The following GALNT13 variants were observed in gnomAD, a reference collection of about 807,000 sequenced individuals.
The protein encoded by GALNT13 is polypeptide N-acetylgalactosaminyltransferase 13, also known as UDP-GalNAc:polypeptide N-acetylgalactosaminyltransferase 13.
Under a neutral mutation model 64.2 loss-of-function variants are expected in GALNT13, and 28 were observed. The observed-to-expected ratio is 0.44, with a 90% CI of 0.32 to 0.60. The LOEUF (loss-of-function observed/expected upper bound fraction) is 0.60, where lower values mean the gene tolerates loss of function less well. Among genes scored for constraint, GALNT13 ranks in the 20% least tolerant of loss-of-function variants. GALNT13 has a pLI of 0.05. For synonymous variants in GALNT13, 214 were observed against 224.6 expected (o/e 0.95, Z 0.42); for missense variants, 577 against 669.8 (o/e 0.86, Z 1.53).
At chr2:153,486,527 G>C in the GALNT13 span, among the ~76,000 whole-genome samples, 1 of 152,082 alleles carries the variant, frequency 6.6e-6, no homozygotes, top group Admixed American at 6.6e-5. Flanking sequence ...TACCCAGTTG[G>C]CTGCACTGAG....
the GALNT13 span, among the ~76,000 whole-genome samples, chr2:153,080,666 C>T: frequency 2.0e-5 from 3 of 151,992 alleles, no homozygotes; most frequent in Non-Finnish European, 2.9e-5. Flanking sequence ...TTTCTATAGT[C>T]TTACAATTTT....
At chr2:153,901,288 A>G (rs896671200) in intron 2 of GALNT13, among the ~76,000 whole-genome samples, 21 of 152,142 alleles carry the variant, frequency 1.4e-4, no homozygotes, top group African/African-American at 5.1e-4. Flanking sequence ...CTTTATGCTT[A>G]AGATTGCCTT....
chr2:154,034,050 T>G (rs1698508557), intron 3 of GALNT13, among the ~76,000 whole-genome samples: 1 of 152,156 alleles, frequency 6.6e-6, no homozygotes, highest in African/African-American at 2.4e-5. Context: ...GTCATGACAC[T>G]TTGGGAAACG....
chr2:154,150,903 G>C (rs2105620475), intron 4 of GALNT13, among the ~76,000 whole-genome samples: 1 of 152,146 alleles, frequency 6.6e-6, no homozygotes, highest in South Asian at 2.1e-4. Context: ...TTAATTTTTT[G>C]AAGGGTTTTT....
chr2:153,301,351 A>T, the GALNT13 span, among the ~76,000 whole-genome samples: 2 of 144,754 alleles, frequency 1.4e-5, no homozygotes, highest in African/African-American at 5.2e-5. Flanking sequence ...AACTCACAAG[A>T]TTTCCTCCCA....
At chr2:154,363,935 A>C (rs1287441507) in intron 9 of GALNT13, among the ~76,000 whole-genome samples, 2 of 152,236 alleles carry the variant, frequency 1.3e-5, no homozygotes, top group Non-Finnish European at 2.9e-5. Flanking sequence ...GGTCTAAAAA[A>C]TGAAAGTCTT....
At chr2:153,808,203 A>G in the GALNT13 span, among the ~76,000 whole-genome samples, 1 of 152,130 alleles carries the variant, frequency 6.6e-6, no homozygotes, top group Non-Finnish European at 1.5e-5. Flanking sequence ...ATTTCATTCT[A>G]TACTGAAACT....
At chr2:154,130,398 A>G (rs1009346460) in intron 3 of GALNT13, among the ~76,000 whole-genome samples, 27 of 152,226 alleles carry the variant, frequency 1.8e-4, no homozygotes, top group African/African-American at 6.5e-4. Context: ...ATTCAGCACA[A>G]CCGCCCTCAA....
At chr2:154,330,644 T>C (rs956483368) in intron 9 of GALNT13, among the ~76,000 whole-genome samples, 1 of 152,224 alleles carries the variant, frequency 6.6e-6, no homozygotes, top group South Asian at 2.1e-4. Flanking sequence ...ATTCAGCACT[T>C]GCTTCCAGAA....
At chr2:154,438,758 G>A (rs1701126998) in intron 12 of GALNT13, 32 bp downstream of exon 12, 29 of 1,523,462 alleles carry the variant, frequency 1.9e-5, no homozygotes, top group Non-Finnish European at 2.5e-5. Context: ...CTTATTATTT[G>A]ATGCTTAAGC....
At chr2:154,023,596 G>A (rs1347368558) in intron 3 of GALNT13, among the ~76,000 whole-genome samples, 13 of 152,214 alleles carry the variant, frequency 8.5e-5, no homozygotes, top group South Asian at 2.1e-4. Flanking sequence ...GTCTCTGCCC[G>A]TGAGATGGGC....
At chr2:154,242,595 T>C in intron 5 of GALNT13, 103 bp from the exon 6 acceptor site, 1 of 700,988 alleles carries the variant, frequency 1.4e-6, no homozygotes, top group Non-Finnish European at 2.5e-6. Flanking sequence ...TGATAGGAAT[T>C]GGCCACCATT....
At chr2:153,547,944 G>C in the GALNT13 span, among the ~76,000 whole-genome samples, 1 of 152,178 alleles carries the variant, frequency 6.6e-6, no homozygotes, top group African/African-American at 2.4e-5. Flanking sequence ...AAAATGGAAA[G>C]AGATAATGCT....
the GALNT13 span, among the ~76,000 whole-genome samples, chr2:153,116,708 T>C: frequency 1.3e-5 from 2 of 151,558 alleles, no homozygotes; most frequent in African/African-American, 4.8e-5. Context: ...TTTGGAAAGA[T>C]GGCAGTATCA....
the GALNT13 span, among the ~76,000 whole-genome samples, chr2:153,149,701 ACAGCATAG>A: frequency 9.1e-4 from 138 of 151,954 alleles, 2 homozygotes; most frequent in East Asian, 0.022. Flanking sequence ...ATTTATTACC[ACAGCATAG>A]CCTACTGTGT....
rs962056683 is a variant in GALNT13 at position 154,425,301 on chromosome 2, C to G, written c.1396-13291C>G. Among the ~76,000 whole-genome samples, 6 of 152,106 alleles carry G rather than the reference C, an allele frequency of 3.9e-5. 1 individual carries two copies. The highest frequency in any genetic ancestry group is 6.6e-5 in the Admixed American group (1 of 15,248). Reference sequence around the variant, plus strand: ...GATGGGATAGCAAAAAGTCTTTTATCATTATTTTTCAGCTATTGAAACAAA... The same window carrying G: ...GATGGGATAGCAAAAAGTCTTTTATGATTATTTTTCAGCTATTGAAACAAA... On this transcript the variant is annotated intron_variant, in intron 11 of 12. Transcript: ENST00000392825.
chr2:153,658,984 C>T, the GALNT13 span, among the ~76,000 whole-genome samples: 1 of 152,012 alleles, frequency 6.6e-6, no homozygotes, highest in African/African-American at 2.4e-5. Flanking sequence ...TACTCACAAG[C>T]ATGAAAAAAT....
chr2:153,609,714 A>T, the GALNT13 span, among the ~76,000 whole-genome samples: 1 of 152,212 alleles, frequency 6.6e-6, no homozygotes, highest in Non-Finnish European at 1.5e-5. Context: ...ACAATGAAGC[A>T]AACCTTATTT....
At chr2:153,267,927 A>G in the GALNT13 span, among the ~76,000 whole-genome samples, 5 of 152,318 alleles carry the variant, frequency 3.3e-5, no homozygotes, top group South Asian at 4.1e-4. Context: ...AAACACCCCA[A>G]TGATTTAATT....
Sources: allele counts gnomAD v4.1 joint callset (sites outside exome capture counted in the v4.1 genomes callset), GRCh38; gene constraint gnomAD v4.1.1; transcripts MANE v1.5; gene names NCBI Gene and HGNC (gene_info 2026-07-23, HGNC 2026-07-21).